ELAPOR2: variants seen among roughly 807,000 people sequenced by gnomAD.
ELAPOR2 encodes endosome/lysosome-associated apoptosis and autophagy regulator family member 2.
In ELAPOR2, 89 loss-of-function variants were observed where a neutral mutation model predicts 120.7. That is an observed-to-expected ratio of 0.74 (90% CI 0.62 to 0.88). ELAPOR2 has a LOEUF of 0.88. Ranked by LOEUF, ELAPOR2 falls within the 40% of genes least tolerant of loss-of-function variation. The probability of loss-of-function intolerance (pLI) is 0.00; values close to 1 mark genes in which losing one functional copy is unlikely to be tolerated. For synonymous variants in ELAPOR2, 444 were observed against 444.9 expected (o/e 1.00, Z 0.03); for missense variants, 1,134 against 1,251.6 (o/e 0.91, Z 1.42).
At position 86,939,302 on chromosome 7, in the gene ELAPOR2, T is replaced by A. The variant is rs575153584; in HGVS notation, c.848-342A>T. 3.9e-5 allele frequency among the ~76,000 whole-genome samples: 6 copies of A among 152,180 alleles called. No homozygotes were observed. The South Asian group carries it at 1.0e-3, about 26-fold the overall frequency. ...ATTATCTGATCCTTATGGTAACCTG[T>A]TCCCTTTTTTTTCCACTGCTTATTA... On this transcript the variant is annotated intron_variant, in intron 6 of 21. Coordinates refer to ENST00000450689, the MANE Select transcript of ELAPOR2 (RefSeq NM_001142749.3).
At chr7:86,900,408 G>C (rs1314367486) in intron 18 of ELAPOR2, among the ~76,000 whole-genome samples, 1 of 152,034 alleles carries the variant, frequency 6.6e-6, no homozygotes, top group Non-Finnish European at 1.5e-5. Flanking sequence ...CTGCCTTCAC[G>C]GGGTAGTTAT....
chr7:86,892,889 A>AG, intron 20 of ELAPOR2, 33 bp downstream of exon 20: 2 of 1,443,110 alleles, frequency 1.4e-6, no homozygotes, highest in Non-Finnish European at 1.8e-6. Context: ...TAGGCCCTCT[A>AG]GCTCTCTTGT....
At chr7:87,010,510 C>T (rs12535941) in intron 1 of ELAPOR2, among the ~76,000 whole-genome samples, 11,401 of 152,220 alleles carry the variant, frequency 0.075, 476 homozygotes, top group Admixed American at 0.11. Flanking sequence ...TCACTAAAAA[C>T]TTTTAAAATG....
At chr7:86,940,720 G>A (rs1790765053) in intron 5 of ELAPOR2, among the ~76,000 whole-genome samples, 1 of 151,906 alleles carries the variant, frequency 6.6e-6, no homozygotes, top group South Asian at 2.1e-4. Context: ...TAAATTTCAT[G>A]TTCATACAGG....
At chr7:87,030,593 A>G (rs555768135) in intron 1 of ELAPOR2, among the ~76,000 whole-genome samples, 11 of 152,212 alleles carry the variant, frequency 7.2e-5, no homozygotes, top group Non-Finnish European at 1.3e-4. Context: ...TACATTATGA[A>G]CTATAACCTA....
intron 1 of ELAPOR2, among the ~76,000 whole-genome samples, chr7:86,972,703 C>T (rs1028206832): frequency 2.0e-5 from 3 of 151,196 alleles, no homozygotes; most frequent in Admixed American, 6.6e-5. Context: ...AGTCAAGCTA[C>T]CTCCAATGCC....
chr7:86,955,410 A>G (rs895958049), intron 2 of ELAPOR2, among the ~76,000 whole-genome samples: 1 of 151,994 alleles, frequency 6.6e-6, no homozygotes, highest in Non-Finnish European at 1.5e-5. Context: ...TCCTGAGGGT[A>G]GTTTTCATGT....
At chr7:86,891,393 C>T in intron 21 of ELAPOR2, 1 of 185,896 alleles carries the variant, frequency 5.4e-6, no homozygotes. Flanking sequence ...TACAATAGTC[C>T]ATTTGTTTTC....
intron 7 of ELAPOR2, 77 bp downstream of exon 7, chr7:86,938,731 G>GAACATACTTTATAACATACTTTA (rs1790673851): frequency 6.7e-7 from 1 of 1,486,780 alleles, no homozygotes; most frequent in Non-Finnish European, 9.3e-7. Context: ...TACTTTATGG[G>GAACATACTTTATAACATACTTTA]TGACTTCTGG....
chr7:87,003,381 T>C (rs188614876), intron 1 of ELAPOR2, among the ~76,000 whole-genome samples: 14 of 152,196 alleles, frequency 9.2e-5, no homozygotes, highest in African/African-American at 3.1e-4. Context: ...TCCCCAGTGT[T>C]GGGGGAGGGT....
chr7:86,931,989 T>G (rs891196563), intron 8 of ELAPOR2, among the ~76,000 whole-genome samples: 13 of 151,930 alleles, frequency 8.6e-5, no homozygotes, highest in Non-Finnish European at 1.2e-4. Flanking sequence ...AGAATTACAG[T>G]TTGGCCTCCC....
Position 86,878,251 on chromosome 7 carries a change from TA to T in ELAPOR2, c.*2219del, listed in dbSNP as rs1431061522. 6.6e-6 allele frequency: 1 copy of T among 152,190 alleles called. No homozygotes were observed. The highest frequency in any genetic ancestry group is 1.5e-5 in the Non-Finnish European group (1 of 68,028). 9.4% of individuals were successfully genotyped at this position (152,190 alleles called of 1,614,324 possible). On this transcript the variant is annotated 3_prime_UTR_variant, in exon 22 of 22. Transcript: ENST00000450689. ...ATTTTATAGCCAGGATTGGTCTAAA[TA>T]TTTTCCCCATAATATTCTTTCTGTC...
intron 21 of ELAPOR2, among the ~76,000 whole-genome samples, chr7:86,885,876 T>A (rs1283365293): frequency 6.6e-6 from 1 of 152,104 alleles, no homozygotes; most frequent in African/African-American, 2.4e-5. Context: ...CCCCATCTCA[T>A]ACATGCTAAA....
intron 1 of ELAPOR2, among the ~76,000 whole-genome samples, chr7:86,997,629 T>C (rs1188923691): frequency 6.6e-6 from 1 of 152,122 alleles, no homozygotes; most frequent in African/African-American, 2.4e-5. Flanking sequence ...GGTTTTCAGA[T>C]CAAGTCAAGA....
At chr7:86,964,153 GA>G (rs1791820029) in intron 2 of ELAPOR2, among the ~76,000 whole-genome samples, 3 of 152,066 alleles carry the variant, frequency 2.0e-5, no homozygotes. Context: ...AAGACTGCAG[GA>G]AAACCCAAAT....
intron 1 of ELAPOR2, among the ~76,000 whole-genome samples, chr7:87,036,116 T>G (rs1253207290): frequency 6.6e-6 from 1 of 152,260 alleles, no homozygotes; most frequent in East Asian, 1.9e-4. Flanking sequence ...GCCAGGAATC[T>G]GCCTAATATT....
At chr7:86,981,187 T>G (rs113247088) in intron 1 of ELAPOR2, among the ~76,000 whole-genome samples, 3 of 152,204 alleles carry the variant, frequency 2.0e-5, no homozygotes, top group African/African-American at 4.8e-5. Flanking sequence ...TTCCCTTAAA[T>G]TGGTCCATAC....
intron 12 of ELAPOR2, 86 bp from the exon 13 acceptor site, chr7:86,914,946 T>C: frequency 9.4e-7 from 1 of 1,061,312 alleles, no homozygotes; most frequent in African/African-American, 1.6e-5. Flanking sequence ...TGTATTCATA[T>C]TTAAAGTAAA....
intron 2 of ELAPOR2, 109 bp from the exon 3 acceptor site, chr7:86,948,031 A>T (rs1791078020): frequency 1.4e-6 from 1 of 727,350 alleles, no homozygotes; most frequent in East Asian, 2.7e-5. Flanking sequence ...GCCACACTCA[A>T]ACGAAAGCCT....
Sources: allele counts gnomAD v4.1 joint callset (sites outside exome capture counted in the v4.1 genomes callset), GRCh38; gene constraint gnomAD v4.1.1; transcripts MANE v1.5; gene names NCBI Gene and HGNC (gene_info 2026-07-23, HGNC 2026-07-21).